Variants in TEX9 observed in about 807,000 individuals in gnomAD.
The protein encoded by TEX9 is testis-expressed protein 9.
TEX9 carries 74 observed loss-of-function variants against 59.6 expected under a neutral mutation model. The ratio of observed to expected loss-of-function variants is 1.24; its 90% CI spans 1.03 to 1.51. The LOEUF is 1.51. Among genes scored for constraint, TEX9 ranks in the 40% most tolerant of loss-of-function variants. The pLI is 0.00. For missense variants in TEX9, 522 were observed against 447.8 expected (o/e 1.17, Z -1.49); for synonymous variants, 186 against 152.2 (o/e 1.22, Z -1.64).
chr15:56,250,345 G>A (rs2043985919), intron 1 of TEX9, among the ~76,000 whole-genome samples: 2 of 152,172 alleles, frequency 1.3e-5, no homozygotes, highest in Non-Finnish European at 2.9e-5. Flanking sequence ...GACTTGGGAT[G>A]GAGCTAGAGT....
intron 12 of TEX9, chr15:56,431,364 C>G (rs776349156): frequency 6.2e-7 from 1 of 1,608,762 alleles, no homozygotes; most frequent in Admixed American, 1.7e-5. Context: ...TGAGATAAAT[C>G]TCACTTACTT....
chr15:56,322,564 A>G (rs1190985202), intron 1 of TEX9, among the ~76,000 whole-genome samples: 1 of 152,116 alleles, frequency 6.6e-6, no homozygotes, highest in East Asian at 1.9e-4. Context: ...TGGGCCTTAC[A>G]GAGATGTTGT....
intron 1 of TEX9, among the ~76,000 whole-genome samples, chr15:56,322,354 C>T (rs1353478292): frequency 1.3e-5 from 2 of 152,114 alleles, no homozygotes; most frequent in Admixed American, 1.3e-4. Context: ...TAAAGGCTTA[C>T]TCTGGCTCTT....
chr15:56,445,815 G>A (rs189724581), exon 13 of TEX9: 245 of 152,070 alleles, frequency 1.6e-3, no homozygotes, highest in African/African-American at 5.7e-3. Context: ...AGATTAAAAC[G>A]TCTACAACTA....
intron 1 of TEX9, among the ~76,000 whole-genome samples, chr15:56,340,689 A>G (rs1406807508): frequency 3.3e-5 from 5 of 151,986 alleles, no homozygotes; most frequent in African/African-American, 7.3e-5. Flanking sequence ...TTGCTCACGT[A>G]TGTTACTGAA....
chr15:56,300,071 G>T (rs1418790674), intron 1 of TEX9, among the ~76,000 whole-genome samples: 4 of 152,108 alleles, frequency 2.6e-5, no homozygotes, highest in Non-Finnish European at 4.4e-5. Flanking sequence ...GGTTCCCGGG[G>T]TCCCCAGTTC....
intron 1 of TEX9, among the ~76,000 whole-genome samples, chr15:56,336,804 T>C (rs1787198071): frequency 6.6e-6 from 1 of 152,116 alleles, no homozygotes; most frequent in Non-Finnish European, 1.5e-5. Flanking sequence ...GCCCTTATAC[T>C]CCTACATCAG....
chr15:56,310,013 C>T (rs1416172715), intron 1 of TEX9, among the ~76,000 whole-genome samples: 37 of 152,208 alleles, frequency 2.4e-4, no homozygotes, highest in African/African-American at 8.4e-4. Context: ...GGGAGATGGG[C>T]CCAATCTTCA....
At chr15:56,390,821 G>T (rs562037411) in intron 6 of TEX9, among the ~76,000 whole-genome samples, 1 of 152,136 alleles carries the variant, frequency 6.6e-6, no homozygotes, top group African/African-American at 2.4e-5. Context: ...AGTTTGTACA[G>T]TTTTTCTCTA....
At position 56,423,789 on chromosome 15, in the gene TEX9, A is replaced by G. The variant is rs1308704490; in HGVS notation, c.964-3816A>G. ...ATTATATTTTTTCTTTATTATTTCA[A>G]TCGTTTTGGGGGAACAGGTGGTGTT... On this transcript the variant is annotated intron_variant, in intron 10 of 12. Transcript: ENST00000352903. Among the ~76,000 whole-genome samples the G allele has an allele frequency of 5.3e-5, 8 of 152,136 alleles. No individual in the cohort carries two copies. The East Asian group carries it at 1.2e-3, about 22-fold the overall frequency.
chr15:56,254,989 A>G (rs2044110813), intron 1 of TEX9, among the ~76,000 whole-genome samples: 2 of 152,034 alleles, frequency 1.3e-5, no homozygotes, highest in African/African-American at 4.8e-5. Context: ...GAATCCAAGA[A>G]AGATGAAGGT....
At position 56,274,964 on chromosome 15, in the gene TEX9, G is replaced by T. The variant is rs1356090644; in HGVS notation, c.-107+30686G>T. Among the ~76,000 whole-genome samples, 3 of 152,142 alleles carry T rather than the reference G, an allele frequency of 2.0e-5. No individual in the cohort carries two copies. In the South Asian group the frequency reaches 6.2e-4, roughly 32 times the overall value. ...CCCTGTGTTCCTGAGTTTCAGAATA[G>T]GTCACTCTCCAAGGTATCTTACTTG... On this transcript the variant is annotated intron_variant, in intron 1 of 5. Transcript: ENST00000560827.
At chr15:56,279,750 C>G (rs1418721610) in intron 1 of TEX9, among the ~76,000 whole-genome samples, 1 of 152,028 alleles carries the variant, frequency 6.6e-6, no homozygotes. Context: ...ATATTTTTGC[C>G]TTACTCCAAA....
At chr15:56,253,703 T>C (rs1287771495) in intron 1 of TEX9, among the ~76,000 whole-genome samples, 1 of 152,072 alleles carries the variant, frequency 6.6e-6, no homozygotes, top group Non-Finnish European at 1.5e-5. Flanking sequence ...TAGAATTCCA[T>C]AACAGGATGA....
chr15:56,294,583 C>T (rs1463311648), intron 1 of TEX9, among the ~76,000 whole-genome samples: 1 of 152,130 alleles, frequency 6.6e-6, no homozygotes, highest in African/African-American at 2.4e-5. Context: ...AATATGGCAT[C>T]CATATCAACT....
chr15:56,316,937 C>T (rs2045784718), intron 1 of TEX9, among the ~76,000 whole-genome samples: 1 of 152,236 alleles, frequency 6.6e-6, no homozygotes, highest in South Asian at 2.1e-4. Context: ...TCACCCCTTT[C>T]TTTGACTCAG....
At chr15:56,388,942 C>T (rs923777539) in intron 5 of TEX9, among the ~76,000 whole-genome samples, 1 of 151,868 alleles carries the variant, frequency 6.6e-6, no homozygotes, top group East Asian at 1.9e-4. Flanking sequence ...GTTTCCCATC[C>T]ATGGAGACCT....
chr15:56,316,292 T>C (rs1336180909), intron 1 of TEX9, among the ~76,000 whole-genome samples: 1 of 152,062 alleles, frequency 6.6e-6, no homozygotes, highest in African/African-American at 2.4e-5. Flanking sequence ...TTATCTACTT[T>C]TCGTCTTTGA....
intron 1 of TEX9, among the ~76,000 whole-genome samples, chr15:56,280,701 A>G (rs1201178973): frequency 6.6e-6 from 1 of 152,270 alleles, no homozygotes; most frequent in African/African-American, 2.4e-5. Flanking sequence ...GAAGAAAGTT[A>G]TCTGAAGAGG....
Sources: gnomAD v4.1 joint callset for allele counts (sites outside exome capture counted in the v4.1 genomes callset) on GRCh38, gnomAD v4.1.1 for gene constraint, MANE v1.5 for transcripts, NCBI Gene and HGNC (gene_info 2026-07-23, HGNC 2026-07-21) for gene names.